EML4: variants seen among roughly 807,000 people sequenced by gnomAD.
The protein encoded by EML4 is EMAP like 4, also known as echinoderm microtubule-associated protein-like 4.
In EML4, 72 loss-of-function variants were observed where a neutral mutation model predicts 129.0. The observed-to-expected ratio is 0.56, with a 90% CI of 0.46 to 0.68. EML4 has a LOEUF of 0.68. Ranked by LOEUF, EML4 falls within the 30% of genes least tolerant of loss-of-function variation. The pLI, the probability that EML4 is intolerant of heterozygous loss-of-function variation, is 0.00. For missense variants in EML4, 1,363 were observed against 1,190.6 expected, an observed-to-expected ratio of 1.14 and a Z score of -2.13; for synonymous variants, 532 against 405.0, an observed-to-expected ratio of 1.31 and a Z score of -3.77.
At position 42,169,408 on chromosome 2, in the gene EML4, G is replaced by A. The variant is rs1247713996; in HGVS notation, c.-204G>A. The A allele has an allele frequency of 1.9e-5, 8 of 427,606 alleles. No individual in the cohort carries two copies. The highest frequency in any genetic ancestry group is 2.1e-5 in the African/African-American group (1 of 48,160). The allele number at this position is 427,606 out of a possible 1,614,324, so 26.5% of individuals were successfully genotyped here. A position where few individuals can be genotyped will look rare whatever the true frequency, so the allele number is the denominator to read the frequency against. ...GGCCGGGCAGGCGGCTGAGCGGCGCGGCTCTCAACGTGACGGGGAAGTGGT... is the reference window on the plus strand; with the variant it reads ...GGCCGGGCAGGCGGCTGAGCGGCGCAGCTCTCAACGTGACGGGGAAGTGGT... On this transcript the variant is annotated 5_prime_UTR_variant, in exon 1 of 23. Coordinates refer to ENST00000318522, the MANE Select transcript of EML4 (RefSeq NM_019063.5).
intron 7 of EML4, among the ~76,000 whole-genome samples, chr2:42,281,277 C>T (rs936384614): frequency 1.6e-4 from 25 of 151,740 alleles, no homozygotes; most frequent in Non-Finnish European, 2.2e-4. Flanking sequence ...CCTGTAATCC[C>T]AGCTACTCGG....
At chr2:42,247,563 A>G (rs1484847929) in intron 2 of EML4, among the ~76,000 whole-genome samples, 2 of 152,160 alleles carry the variant, frequency 1.3e-5, no homozygotes, top group Non-Finnish European at 2.9e-5. Flanking sequence ...TAGTGAGATA[A>G]ATATGTCAAT....
At chr2:42,270,603 A>G (rs1666310144) in intron 6 of EML4, among the ~76,000 whole-genome samples, 1 of 152,182 alleles carries the variant, frequency 6.6e-6, no homozygotes, top group Non-Finnish European at 1.5e-5. Flanking sequence ...AATAGCTAAA[A>G]TTTATCGATA....
chr2:42,325,701 G>C (rs886767006), intron 20 of EML4, 147 bp downstream of exon 20: 2 of 246,826 alleles, frequency 8.1e-6, no homozygotes, highest in African/African-American at 2.2e-5. Context: ...ATTGTGCAGA[G>C]AATGCTTGCC....
rs981434300 is a variant in EML4 at position 42,280,911 on chromosome 2, T to C, written c.729T>C (p.Asp243=). 10 of 1,612,700 alleles carry C rather than the reference T, an allele frequency of 6.2e-6. No homozygotes were observed. The highest frequency in any genetic ancestry group is 8.5e-6 in the Non-Finnish European group (10 of 1,179,064). Residue 243 remains aspartate, a synonymous_variant, in exon 7 of 23, where the codon GAT becomes GAC. Coordinates refer to ENST00000318522, the MANE Select transcript of EML4 (RefSeq NM_019063.5). ...GRPITMFIPS[D]VDNYDDIRTE... ...CAATTACCATGTTCATTCCTTCCGA[T>C]GTTGACAACTATGATGACATCAGAA...
intron 1 of EML4, among the ~76,000 whole-genome samples, chr2:42,240,249 C>T (rs1419734358): frequency 2.0e-5 from 3 of 152,108 alleles, no homozygotes; most frequent in Non-Finnish European, 4.4e-5. Context: ...CCTTAAAGGG[C>T]ATAAATTAAT....
chr2:42,181,096 C>T (rs542150320), intron 1 of EML4, among the ~76,000 whole-genome samples: 138 of 152,308 alleles, frequency 9.1e-4, no homozygotes, highest in Non-Finnish European at 1.6e-3. Flanking sequence ...CCATTCTGAT[C>T]ACTTGGTGTC....
At chr2:42,254,051 T>C (rs776803650) in intron 2 of EML4, among the ~76,000 whole-genome samples, 8 of 152,260 alleles carry the variant, frequency 5.3e-5, no homozygotes, top group Non-Finnish European at 1.0e-4. Context: ...TTTGAAGAAC[T>C]CATATGCCTC....
chr2:42,312,678 C>G (rs1052581708), intron 17 of EML4, among the ~76,000 whole-genome samples: 2 of 152,092 alleles, frequency 1.3e-5, no homozygotes, highest in South Asian at 2.1e-4. Flanking sequence ...CTCAGCCTCC[C>G]AAGTAGCTGG....
At chr2:42,230,324 T>G (rs1674251303) in intron 1 of EML4, among the ~76,000 whole-genome samples, 1 of 152,212 alleles carries the variant, frequency 6.6e-6, no homozygotes, top group Admixed American at 6.5e-5. Context: ...TAAAAGATAA[T>G]TAACAATATC....
At position 42,313,526 on chromosome 2, in the gene EML4, T is replaced by TA. The variant is rs543511248; in HGVS notation, c.1968-2424dup. On this transcript the variant is annotated intron_variant, in intron 17 of 22. Transcript: ENST00000318522. ...CACGTTAAACCATACCACTAAGCTT[T>TA]AAAAAAAAAAAATCCTTCAAGCCCT... Among the ~76,000 whole-genome samples the TA allele has an allele frequency of 1.9e-3, 286 of 146,840 alleles. 2 individuals are homozygous for TA. Among genetic ancestry groups the TA allele is most frequent in the African/African-American group, 5.2e-3 (208 of 40,346 alleles).
intron 1 of EML4, among the ~76,000 whole-genome samples, chr2:42,215,933 T>C (rs112537850): frequency 1.1e-4 from 17 of 152,228 alleles, no homozygotes; most frequent in African/African-American, 3.6e-4. Flanking sequence ...TTTTTTCTTT[T>C]TTTTTGAAAC....
intron 2 of EML4, among the ~76,000 whole-genome samples, chr2:42,252,245 C>T (rs542930163): frequency 1.3e-5 from 2 of 152,228 alleles, no homozygotes; most frequent in Non-Finnish European, 2.9e-5. Flanking sequence ...TCAGTAAGGT[C>T]GTCTACTTGA....
intron 3 of EML4, 152 bp from the exon 4 acceptor site, chr2:42,260,969 A>G (rs1665696934): frequency 1.8e-6 from 1 of 552,560 alleles, no homozygotes; most frequent in East Asian, 2.8e-5. Flanking sequence ...GGAATTTTCA[A>G]AGAAATATTG....
chr2:42,240,909 G>A lies in EML4; in HGVS notation c.26-4596G>A, dbSNP rs185195615. Among the ~76,000 whole-genome samples, 988 of 152,240 alleles carry A rather than the reference G, an allele frequency of 6.5e-3. 6 individuals are homozygous for A. Among genetic ancestry groups the A allele is most frequent in the African/African-American group, 0.022 (933 of 41,538 alleles). On this transcript the variant is annotated intron_variant, in intron 1 of 22. Coordinates refer to ENST00000318522, the MANE Select transcript of EML4 (RefSeq NM_019063.5). ...TAATCCCAGCACTTTGGGAGGCCAA[G>A]GCAGGCAGATAGATCCCTTGAGGTC...
chr2:42,249,493 A>G (rs935414364), intron 2 of EML4, among the ~76,000 whole-genome samples: 2 of 152,178 alleles, frequency 1.3e-5, no homozygotes, highest in Non-Finnish European at 2.9e-5. Flanking sequence ...CTTCCCTATT[A>G]CTGAAGAGAG....
chr2:42,189,080 TG>T (rs1026310932), intron 1 of EML4, among the ~76,000 whole-genome samples: 50 of 152,182 alleles, frequency 3.3e-4, no homozygotes, highest in Non-Finnish European at 4.4e-5. Flanking sequence ...TTGCCTAGGC[TG>T]GTCTCAAATT....
intron 2 of EML4, among the ~76,000 whole-genome samples, chr2:42,249,396 G>T (rs983050041): frequency 2.6e-5 from 4 of 151,904 alleles, no homozygotes; most frequent in Non-Finnish European, 5.9e-5. Context: ...ATTTTCTAGA[G>T]GATTTTTCTT....
chr2:42,213,767 C>A (rs903084358), intron 1 of EML4, among the ~76,000 whole-genome samples: 1 of 152,008 alleles, frequency 6.6e-6, no homozygotes, highest in South Asian at 2.1e-4. Flanking sequence ...ATTTTTAGGT[C>A]TAGGAAAGAT....
Sources: gnomAD v4.1 joint callset for allele counts (sites outside exome capture counted in the v4.1 genomes callset) on GRCh38, gnomAD v4.1.1 for gene constraint, MANE v1.5 for transcripts, NCBI Gene and HGNC (gene_info 2026-07-23, HGNC 2026-07-21) for gene names.